The following GALNT1 variants were observed in gnomAD, a reference collection of about 807,000 sequenced individuals.
The protein encoded by GALNT1 is polypeptide N-acetylgalactosaminyltransferase 1.
GALNT1 carries 17 observed loss-of-function variants against 65.7 expected under a neutral mutation model. The observed-to-expected ratio is 0.26, with a 90% CI of 0.18 to 0.39. The LOEUF is 0.39. Ranked by LOEUF, GALNT1 falls within the 10% of genes least tolerant of loss-of-function variation. GALNT1 has a pLI of 1.00. For missense variants in GALNT1, 460 were observed against 672.8 expected, an observed-to-expected ratio of 0.68 and a Z score of 3.50; for synonymous variants, 210 against 219.7, an observed-to-expected ratio of 0.96 and a Z score of 0.39.
At chr18:35,670,566 G>A (rs1005356726) in intron 3 of GALNT1, among the ~76,000 whole-genome samples, 3 of 152,116 alleles carry the variant, frequency 2.0e-5, no homozygotes, top group Admixed American at 6.6e-5. Flanking sequence ...AAAGATGTTG[G>A]TTCTTTCTAC....
chr18:35,633,549 TGGGGGAG>T (rs2047048528), intron 1 of GALNT1, among the ~76,000 whole-genome samples: 1 of 34,866 alleles, frequency 2.9e-5, no homozygotes, highest in African/African-American at 1.2e-4. Flanking sequence ...TGTTGTGGGA[TGGGGGAG>T]GGGGGAGGGA....
intron 3 of GALNT1, among the ~76,000 whole-genome samples, chr18:35,675,833 A>C (rs993643967): frequency 2.6e-5 from 4 of 152,176 alleles, no homozygotes; most frequent in Middle Eastern, 3.2e-3. Flanking sequence ...TAAGTAATGG[A>C]AGAAACTCTT....
Position 35,689,988 on chromosome 18 carries a change from A to G in GALNT1, c.978+698A>G, listed in dbSNP as rs1181620215. 3.3e-5 allele frequency among the ~76,000 whole-genome samples: 5 copies of G among 151,908 alleles called. No homozygotes were observed. In the South Asian group the frequency reaches 6.2e-4, roughly 19 times the overall value. ...CTTGTCAAAGAGAGGGTTGGACTCA[A>G]TATCACCTTGGAGATCCTATCCAGC... On this transcript the variant is annotated intron_variant, in intron 7 of 11. Coordinates refer to ENST00000269195, the MANE Select transcript of GALNT1 (RefSeq NM_020474.4).
At chr18:35,650,249 C>A (rs2047293150) in intron 1 of GALNT1, among the ~76,000 whole-genome samples, 1 of 152,052 alleles carries the variant, frequency 6.6e-6, no homozygotes, top group African/African-American at 2.4e-5. Flanking sequence ...AGCCGTAAAA[C>A]CAGCAAGTTT....
At chr18:35,696,480 T>C (rs1365769496) in intron 9 of GALNT1, among the ~76,000 whole-genome samples, 1 of 152,254 alleles carries the variant, frequency 6.6e-6, no homozygotes, top group African/African-American at 2.4e-5. Context: ...ATGTGTTTCA[T>C]TGTGGTATCT....
Position 35,683,406 on chromosome 18 carries a change from C to T in GALNT1, c.497C>T (p.Pro166Leu). 1.2e-6 allele frequency: 2 copies of T among 1,613,074 alleles called. No individual in the cohort carries two copies. The highest frequency in any genetic ancestry group is 4.5e-5 in the East Asian group (2 of 44,850). The stretch of plus-strand genomic sequence containing the variant: ...CATTTTCCAGACTTTTTGAAAAGGC[C>T]TTTAGAGAGTTATGTGAAAAAACTA... ...DASERDFLKR[P>L]LESYVKKLKV... Residue 166 changes from proline to leucine, a missense_variant, in exon 5 of 12, where the codon CCT (proline) becomes CTT (leucine). Coordinates refer to ENST00000269195, the MANE Select transcript of GALNT1 (RefSeq NM_020474.4).
At chr18:35,597,916 T>A (rs79670923) in intron 1 of GALNT1, among the ~76,000 whole-genome samples, 5,483 of 151,672 alleles carry the variant, frequency 0.036, 303 homozygotes, top group African/African-American at 0.12. Context: ...TTCTAGCTGT[T>A]TTGAATTATA....
At chr18:35,616,031 A>C (rs1347513891) in intron 1 of GALNT1, among the ~76,000 whole-genome samples, 1 of 152,222 alleles carries the variant, frequency 6.6e-6, no homozygotes, top group Non-Finnish European at 1.5e-5. Flanking sequence ...GCATTCCCAT[A>C]AAATTTTATT....
Position 35,689,205 on chromosome 18 carries a change from TAGAC to T in GALNT1, c.897_900del (p.Asp299GlufsTer22). On this transcript the variant is annotated frameshift_variant, in exon 7 of 12. Coordinates refer to ENST00000269195, the MANE Select transcript of GALNT1 (RefSeq NM_020474.4). LOFTEE classifies it high-confidence loss of function. Reference sequence around the variant, plus strand: ...ACCATGGCAGGAGGCCTTTTTTCAATAGACAGAGATTACTTTCAGGAAATTGGAA... The same window carrying T: ...ACCATGGCAGGAGGCCTTTTTTCAATAGAGATTACTTTCAGGAAATTGGAA... The T allele has an allele frequency of 1.2e-6, 2 of 1,612,830 alleles. No homozygotes were observed. Among genetic ancestry groups the T allele is most frequent in the Non-Finnish European group, 1.7e-6 (2 of 1,179,130 alleles).
intron 1 of GALNT1, among the ~76,000 whole-genome samples, chr18:35,628,289 C>G (rs1201007199): frequency 6.6e-6 from 1 of 152,170 alleles, no homozygotes; most frequent in East Asian, 1.9e-4. Flanking sequence ...TCCCTGAACC[C>G]CAAGTAGCCT....
intron 3 of GALNT1, chr18:35,664,106 G>T: frequency 3.0e-6 from 1 of 328,158 alleles, no homozygotes; most frequent in Non-Finnish European, 5.6e-6. Flanking sequence ...GATTTAAGTT[G>T]TATGTAACTT....
At chr18:35,587,304 A>G (rs2046388897) in intron 1 of GALNT1, among the ~76,000 whole-genome samples, 1 of 152,188 alleles carries the variant, frequency 6.6e-6, no homozygotes, top group Non-Finnish European at 1.5e-5. Flanking sequence ...AAAGAGGAAC[A>G]ATTTTATTCT....
At chr18:35,635,810 T>C (rs982544476) in intron 1 of GALNT1, among the ~76,000 whole-genome samples, 19 of 152,280 alleles carry the variant, frequency 1.2e-4, no homozygotes, top group African/African-American at 2.9e-4. Context: ...TGTCCACAGC[T>C]ATTTGTATTA....
chr18:35,603,793 T>C (rs2046611207), intron 1 of GALNT1, among the ~76,000 whole-genome samples: 2 of 152,218 alleles, frequency 1.3e-5, no homozygotes, highest in Admixed American at 1.3e-4. Flanking sequence ...CTAACAGTTA[T>C]GTGAGCCAGT....
chr18:35,670,647 C>G (rs908313658), intron 3 of GALNT1, among the ~76,000 whole-genome samples: 1 of 152,148 alleles, frequency 6.6e-6, no homozygotes, highest in Non-Finnish European at 1.5e-5. Flanking sequence ...AGTTGATTCT[C>G]AAATGTGACT....
rs773310580 is a variant in GALNT1 at position 35,691,198 on chromosome 18, C to T, written c.1159+6C>T. On this transcript the variant is annotated splice_donor_region_variant and intron_variant, in intron 8 of 11. Transcript: ENST00000269195. The stretch of plus-strand genomic sequence containing the variant: ...CTTCTATATAATTTCTCCAGGTTAG[C>T]GTTGTTTTGCATTAGAAATACAAGG... 1.4e-5 allele frequency: 22 copies of T among 1,590,568 alleles called. No individual in the cohort carries two copies. The highest frequency in any genetic ancestry group is 1.0e-4 in the South Asian group (9 of 86,746).
At chr18:35,627,339 C>T (rs2046931838) in intron 1 of GALNT1, 1 of 152,172 alleles carries the variant, frequency 6.6e-6, no homozygotes, top group Admixed American at 6.5e-5. Flanking sequence ...GTGGTAGCTG[C>T]CTACAGTTAA....
At chr18:35,648,388 T>C (rs1308416144) in intron 1 of GALNT1, among the ~76,000 whole-genome samples, 1 of 152,212 alleles carries the variant, frequency 6.6e-6, no homozygotes, top group East Asian at 1.9e-4. Context: ...TAAGCTATAA[T>C]GTTCTGTTGG....
intron 1 of GALNT1, among the ~76,000 whole-genome samples, chr18:35,612,735 G>T (rs964036672): frequency 6.6e-6 from 1 of 152,118 alleles, no homozygotes; most frequent in Non-Finnish European, 1.5e-5. Context: ...CATGGTGGCA[G>T]GTGCCTGTAA....
Sources: allele counts gnomAD v4.1 joint callset (sites outside exome capture counted in the v4.1 genomes callset), GRCh38; gene constraint gnomAD v4.1.1; transcripts MANE v1.5; gene names NCBI Gene and HGNC (gene_info 2026-07-23, HGNC 2026-07-21).